The following ACSBG2 variants were observed in gnomAD, a reference collection of about 807,000 sequenced individuals.
ACSBG2 encodes acyl-CoA synthetase bubblegum family member 2.
ACSBG2 carries 62 observed loss-of-function variants against 74.7 expected under a neutral mutation model. The observed-to-expected ratio is 0.83, with a 90% CI of 0.68 to 1.03. The LOEUF is 1.03. Among genes scored for constraint, ACSBG2 ranks in the 50% least tolerant of loss-of-function variants. The probability of loss-of-function intolerance (pLI) is 0.00; values close to 1 mark genes in which losing one functional copy is unlikely to be tolerated. For synonymous variants in ACSBG2, 309 were observed against 294.1 expected, an observed-to-expected ratio of 1.05 and a Z score of -0.52; for missense variants, 730 against 817.6, an observed-to-expected ratio of 0.89 and a Z score of 1.31.
rs1568256137 is a variant in ACSBG2 at position 6,185,658 on chromosome 19, C to G, written c.1540+5C>G. 6.2e-7 allele frequency: 1 copy of G among 1,613,944 alleles called. No homozygotes were observed. Among genetic ancestry groups the G allele is most frequent in the African/African-American group, 1.3e-5 (1 of 75,020 alleles). ...ATGTCACCGGCCACATCAAAGGTAC[C>G]AGGGGCTGAGCTCTTTGGGAATCTC... On this transcript the variant is annotated splice_donor_5th_base_variant and intron_variant, in intron 11 of 14. Transcript: ENST00000588485.
chr19:6,182,146 T>G (rs1233811968), intron 8 of ACSBG2, among the ~76,000 whole-genome samples: 2 of 152,244 alleles, frequency 1.3e-5, no homozygotes, highest in East Asian at 1.9e-4. Flanking sequence ...CCAAAATTGC[T>G]TGGGCTATTC....
In ACSBG2 at chr19:6,151,738, T is replaced by C. The variant is rs766687898; in HGVS notation, c.329T>C (p.Ile110Thr). 6.2e-6 allele frequency: 10 copies of C among 1,603,354 alleles called. No homozygotes were observed. In the East Asian group the frequency reaches 2.2e-4, roughly 36 times the overall value. Residue 110 changes from isoleucine (I) to threonine (T), a missense_variant, in exon 4 of 15, where the codon ATC becomes ACC. Coordinates refer to ENST00000588485, the MANE Select transcript of ACSBG2 (RefSeq NM_030924.5). ...LGLERFHGVGILGFNSAEWFI... is the reference protein window; with the variant it reads ...LGLERFHGVGTLGFNSAEWFI... ...TTGGAGCGTTTCCACGGAGTTGGTA[T>C]CCTGGGGTTTAACTCTGCAGAGTGG... is the stretch of plus-strand genomic sequence containing the variant.
intron 6 of ACSBG2, among the ~76,000 whole-genome samples, chr19:6,162,566 CA>C (rs58138677): frequency 0.01 from 872 of 84,176 alleles, 7 homozygotes; most frequent in African/African-American, 0.031. Flanking sequence ...GACTCCGTCT[CA>C]AAAAAAAAAA....
In ACSBG2 at chr19:6,185,641, G is replaced by C; in HGVS notation, c.1528G>C (p.Gly510Arg). Reference sequence around the variant, plus strand: ...CGGTCTGGGTTTCCTCTATGTCACCGGCCACATCAAAGGTACCAGGGGCTG... The same window carrying C: ...CGGTCTGGGTTTCCTCTATGTCACCCGCCACATCAAAGGTACCAGGGGCTG... ...LDGLGFLYVT[G>R]HIKEILITAG... is the part of the protein sequence containing the mutation. Residue 510 changes from glycine (G) to arginine (R), a missense_variant, in exon 11 of 15, where the codon GGC (glycine) becomes CGC (arginine). Transcript: ENST00000588485. 1 of 1,614,124 alleles carries C rather than the reference G, an allele frequency of 6.2e-7. No individual in the cohort carries two copies. Among genetic ancestry groups the C allele is most frequent in the South Asian group, 1.1e-5 (1 of 91,070 alleles).
intron 2 of ACSBG2, among the ~76,000 whole-genome samples, chr19:6,144,075 G>A (rs2088942991): frequency 6.6e-6 from 1 of 152,126 alleles, no homozygotes; most frequent in Admixed American, 6.6e-5. Flanking sequence ...TTGGCTCACT[G>A]CAATCTCCAC....
intron 1 of ACSBG2, among the ~76,000 whole-genome samples, chr19:6,140,461 C>G (rs530335578): frequency 1.4e-3 from 216 of 152,268 alleles, no homozygotes; most frequent in African/African-American, 4.9e-3. Context: ...GGGCGGATCA[C>G]TTGAGCTTGG....
At chr19:6,175,047 GAACT>G (rs1165158182) in intron 7 of ACSBG2, among the ~76,000 whole-genome samples, 1 of 152,152 alleles carries the variant, frequency 6.6e-6, no homozygotes, top group Non-Finnish European at 1.5e-5. Flanking sequence ...GGGAAGCTCT[GAACT>G]GAGATCTGAA....
intron 8 of ACSBG2, 83 bp from the exon 9 acceptor site, chr19:6,182,668 C>A: frequency 1.5e-6 from 2 of 1,366,416 alleles, no homozygotes; most frequent in Non-Finnish European, 1.0e-6. Flanking sequence ...TTCTCTTGGG[C>A]AAAGTTGGGT....
chr19:6,156,348 C>T (rs1327734548), intron 4 of ACSBG2, 83 bp from the exon 5 acceptor site: 11 of 1,453,234 alleles, frequency 7.6e-6, no homozygotes, highest in Non-Finnish European at 9.1e-6. Flanking sequence ...TGCCTGCAAA[C>T]CTTTCCTCTC....
chr19:6,154,604 C>T (rs1264461421), intron 4 of ACSBG2, among the ~76,000 whole-genome samples: 7 of 151,350 alleles, frequency 4.6e-5, no homozygotes, highest in South Asian at 2.1e-4. Flanking sequence ...ATCTGCCTCC[C>T]GGGTTCAAGT....
chr19:6,154,663 C>T (rs1336104630), intron 4 of ACSBG2, among the ~76,000 whole-genome samples: 11 of 151,692 alleles, frequency 7.3e-5, no homozygotes, highest in African/African-American at 2.7e-4. Flanking sequence ...AGGCGTGCGC[C>T]ACCATGGCTG....
rs2088708484 is a variant in ACSBG2, at chr19:6,138,903, G to A, written c.-31-2610G>A. 2.0e-5 allele frequency among the ~76,000 whole-genome samples: 3 copies of A among 151,950 alleles called. No individual in the cohort carries two copies. The South Asian group carries it at 6.2e-4, about 32-fold the overall frequency. ...TGGGCCAGATCCAGCTGCTCCAGAG[G>A]GGCCTTGGGCTTCCTCCTCATTTCT... is the stretch of plus-strand genomic sequence containing the variant. On this transcript the variant is annotated intron_variant, in intron 1 of 14. Transcript: ENST00000588485.
chr19:6,176,501 CA>C, intron 7 of ACSBG2: 1 of 892,830 alleles, frequency 1.1e-6, no homozygotes, highest in Non-Finnish European at 1.6e-6. Context: ...AAACAACACA[CA>C]CACACACACG....
Position 6,161,302 on chromosome 19 carries a change from G to C in ACSBG2, c.588+7G>C. ...GAACAACAACTTGTACTCTGTAAGT[G>C]TGGGAGGTGGGCACTGGGGAAAGGG... On this transcript the variant is annotated splice_region_variant and intron_variant, in intron 6 of 14. Coordinates refer to ENST00000588485, the MANE Select transcript of ACSBG2 (RefSeq NM_030924.5). The C allele has an allele frequency of 6.2e-7, 1 of 1,611,602 alleles. No individual in the cohort carries two copies. The highest frequency in any genetic ancestry group is 8.5e-7 in the Non-Finnish European group (1 of 1,178,124).
At chr19:6,169,779 C>T (rs1044107406) in intron 7 of ACSBG2, among the ~76,000 whole-genome samples, 9 of 152,042 alleles carry the variant, frequency 5.9e-5, no homozygotes, top group African/African-American at 2.2e-4. Flanking sequence ...AAGTTATTCT[C>T]GTAGAAGTCT....
Position 6,165,871 on chromosome 19 carries a change from T to C in ACSBG2, c.594T>C (p.Asp198=). The change falls in exon 7 of 15, where the codon GAT becomes GAC. Residue 198 remains aspartate (D), a synonymous_variant. Transcript: ENST00000588485. ...MKKNNNLYSW[D]DFMELGRSIP... is the part of the protein sequence containing the mutation. ...CTTGTCTTTTCTGTCCACAGTGGGA[T>C]GATTTCATGGAACTTGGCAGAAGTA... 1 of 1,614,026 alleles carries C rather than the reference T, an allele frequency of 6.2e-7. No individual in the cohort carries two copies. The highest frequency in any genetic ancestry group is 1.1e-5 in the South Asian group (1 of 91,090).
rs2090225631 is a variant in ACSBG2, at chr19:6,180,871, G to A, written c.907-1880G>A. On this transcript the variant is annotated intron_variant, in intron 8 of 14. Transcript: ENST00000588485. The surrounding 1 kb of genome is among the most constrained non-coding windows in gnomAD (Gnocchi z 4.3). The stretch of plus-strand genomic sequence containing the variant: ...AAATAGTTTGCCCATATAAAAATGT[G>A]GTTGCTCTTTCTGTGCTAGCATGAC... Among the ~76,000 whole-genome samples the A allele has an allele frequency of 6.6e-6, 1 of 151,978 alleles. No homozygotes were observed. Among genetic ancestry groups the A allele is most frequent in the Non-Finnish European group, 1.5e-5 (1 of 67,976 alleles).
chr19:6,141,376 T>C, intron 1 of ACSBG2, 137 bp from the exon 2 acceptor site: 1 of 583,964 alleles, frequency 1.7e-6, no homozygotes, highest in Non-Finnish European at 3.1e-6. Context: ...CACTCTCCTC[T>C]CCTCCCAGGC....
At chr19:6,165,780 T>C in intron 6 of ACSBG2, 86 bp from the exon 7 acceptor site, 1 of 1,522,232 alleles carries the variant, frequency 6.6e-7, no homozygotes, top group South Asian at 1.2e-5. Context: ...GATCATTCTT[T>C]AGGAAAAGCT....
Sources: allele counts gnomAD v4.1 joint callset (sites outside exome capture counted in the v4.1 genomes callset), GRCh38; gene constraint gnomAD v4.1.1; non-coding constraint Gnocchi (gnomAD v3.1); transcripts MANE v1.5; gene names NCBI Gene and HGNC (gene_info 2026-07-23, HGNC 2026-07-21).